The following ERBB4 variants were observed in gnomAD, a reference collection of about 807,000 sequenced individuals.
ERBB4 encodes receptor tyrosine-protein kinase erbB-4.
Under a neutral mutation model 158.0 loss-of-function variants are expected in ERBB4, and 42 were observed. The ratio of observed to expected loss-of-function variants is 0.27; its 90% CI spans 0.21 to 0.34. The LOEUF is 0.34. Ranked by LOEUF, ERBB4 falls within the 10% of genes least tolerant of loss-of-function variation. The pLI is 1.00. For synonymous variants in ERBB4, 583 were observed against 558.7 expected (o/e 1.04, Z -0.61); for missense variants, 1,333 against 1,624.1 (o/e 0.82, Z 3.08).
chr2:211,995,764 G>T (rs968345632), intron 2 of ERBB4, among the ~76,000 whole-genome samples: 1 of 152,042 alleles, frequency 6.6e-6, no homozygotes, highest in Admixed American at 6.6e-5. Context: ...GTTCCTTCAG[G>T]TCTCAGTTGT....
chr2:211,862,972 T>G (rs2078102528), intron 3 of ERBB4, among the ~76,000 whole-genome samples: 1 of 152,048 alleles, frequency 6.6e-6, no homozygotes, highest in Non-Finnish European at 1.5e-5. Flanking sequence ...CAATCAGCAC[T>G]CTGCGTCTAG....
intron 3 of ERBB4, among the ~76,000 whole-genome samples, chr2:211,857,262 T>TAA (rs10681062): frequency 6.6e-6 from 1 of 151,904 alleles, no homozygotes; most frequent in South Asian, 2.1e-4. Flanking sequence ...CTTTGCAAAA[T>TAA]AGTTGGCAGT....
chr2:211,913,757 G>A (rs1053936939), intron 3 of ERBB4, among the ~76,000 whole-genome samples: 6 of 150,656 alleles, frequency 4.0e-5, no homozygotes, highest in African/African-American at 1.5e-4. Flanking sequence ...CTTATTATTT[G>A]AAAAATGAAA....
intron 1 of ERBB4, among the ~76,000 whole-genome samples, chr2:212,406,822 G>C (rs2091358519): frequency 6.6e-6 from 1 of 151,952 alleles, no homozygotes; most frequent in Admixed American, 6.6e-5. Context: ...AAACCCCTTA[G>C]TACAAGATAC....
At chr2:211,454,056 C>T (rs985423867) in intron 20 of ERBB4, among the ~76,000 whole-genome samples, 1 of 152,044 alleles carries the variant, frequency 6.6e-6, no homozygotes, top group Non-Finnish European at 1.5e-5. Flanking sequence ...GCAAATAAAT[C>T]CCCAGATACG....
intron 20 of ERBB4, among the ~76,000 whole-genome samples, chr2:211,537,721 T>G (rs2066694001): frequency 1.1e-4 from 16 of 151,958 alleles, no homozygotes; most frequent in Admixed American, 9.8e-4. Flanking sequence ...GTTTTAAAAC[T>G]TATGCCTGTA....
rs544085367 is a variant in ERBB4 at position 211,814,566 on chromosome 2, T to C, written c.422-26407A>G. 2.6e-5 allele frequency among the ~76,000 whole-genome samples: 4 copies of C among 152,058 alleles called. No individual in the cohort carries two copies. In the South Asian group the frequency reaches 6.2e-4, roughly 24 times the overall value. On this transcript the variant is annotated intron_variant, in intron 3 of 27. Transcript: ENST00000342788. ...ACAACCAGGGCCCAAATTACAGTCT[T>C]ATTAAGGAACCTATTTAAACCAATA...
chr2:211,851,100 TAAC>T (rs1268343523), intron 3 of ERBB4, among the ~76,000 whole-genome samples: 1 of 151,890 alleles, frequency 6.6e-6, no homozygotes, highest in African/African-American at 2.4e-5. Context: ...GCAATAAAAC[TAAC>T]AACAGATAAA....
Position 211,480,630 on chromosome 2 carries a change from T to C in ERBB4, c.2488-49530A>G, listed in dbSNP as rs574806029. Among the ~76,000 whole-genome samples, 8 of 152,290 alleles carry C rather than the reference T, an allele frequency of 5.3e-5. No homozygotes were observed. The East Asian group carries it at 1.4e-3, about 26-fold the overall frequency. ...TTACCCAGGCTCAGGTAGTTCTTTA[T>C]AGTGGCATGAGAACAGACTAATACA... is the stretch of plus-strand genomic sequence containing the variant. On this transcript the variant is annotated intron_variant, in intron 20 of 27. Transcript: ENST00000342788.
chr2:211,496,745 C>T (rs1470747339), intron 20 of ERBB4, among the ~76,000 whole-genome samples: 1 of 152,070 alleles, frequency 6.6e-6, no homozygotes, highest in Non-Finnish European at 1.5e-5. Flanking sequence ...TTTGGTGAGC[C>T]TCCAATATGC....
At chr2:211,509,155 G>A (rs983031572) in intron 20 of ERBB4, among the ~76,000 whole-genome samples, 4 of 35,356 alleles carry the variant, frequency 1.1e-4, no homozygotes, top group Non-Finnish European at 2.2e-4. Context: ...GACACAGGGA[G>A]GGGGGAGTAT....
At chr2:211,674,348 C>G (rs2071970795) in intron 13 of ERBB4, among the ~76,000 whole-genome samples, 1 of 152,148 alleles carries the variant, frequency 6.6e-6, no homozygotes, top group African/African-American at 2.4e-5. Context: ...ACTTTTTTCT[C>G]ATTTGAATAC....
At chr2:212,006,968 A>G (rs1418869089) in intron 2 of ERBB4, among the ~76,000 whole-genome samples, 1 of 152,028 alleles carries the variant, frequency 6.6e-6, no homozygotes, top group East Asian at 1.9e-4. Flanking sequence ...ATTTTTCTTT[A>G]TTACCTAAAA....
chr2:211,450,252 G>A (rs2064211398), intron 20 of ERBB4, among the ~76,000 whole-genome samples: 1 of 152,154 alleles, frequency 6.6e-6, no homozygotes, highest in South Asian at 2.1e-4. Context: ...GGCTGGAGGA[G>A]TGTGCAAGGG....
intron 3 of ERBB4, among the ~76,000 whole-genome samples, chr2:211,804,246 T>C (rs1389656283): frequency 6.6e-6 from 1 of 152,200 alleles, no homozygotes; most frequent in Non-Finnish European, 1.5e-5. Context: ...GACTGGAAGG[T>C]TAAATTATAA....
chr2:211,394,537 T>C (rs2062870287), intron 25 of ERBB4, among the ~76,000 whole-genome samples: 1 of 152,184 alleles, frequency 6.6e-6, no homozygotes, highest in Non-Finnish European at 1.5e-5. Context: ...CAAAGACTTC[T>C]CAGTAATTCT....
chr2:211,830,912 C>T (rs963235276), intron 3 of ERBB4, among the ~76,000 whole-genome samples: 2 of 151,810 alleles, frequency 1.3e-5, no homozygotes, highest in African/African-American at 2.4e-5. Flanking sequence ...CCACATAAGG[C>T]ATGAGAATCT....
chr2:211,497,745 T>C (rs2065507339), intron 20 of ERBB4, among the ~76,000 whole-genome samples: 1 of 152,094 alleles, frequency 6.6e-6, no homozygotes, highest in South Asian at 2.1e-4. Flanking sequence ...TTATGAGACA[T>C]TATTTATTTC....
At position 211,681,392 on chromosome 2, in the gene ERBB4, T is replaced by A. The variant is rs1353155617; in HGVS notation, c.1490-2208A>T. Among the ~76,000 whole-genome samples the A allele has an allele frequency of 2.0e-5, 3 of 152,176 alleles. No homozygotes were observed. In the East Asian group the frequency reaches 5.8e-4, roughly 29 times the overall value. On this transcript the variant is annotated intron_variant, in intron 12 of 27. Transcript: ENST00000342788. ...GATAAATACCCAGGAGAGGAGTGGC[T>A]GGACAATATGGTAGGTATATGATTA... is the stretch of plus-strand genomic sequence containing the variant.
Sources: gnomAD v4.1 joint callset for allele counts (sites outside exome capture counted in the v4.1 genomes callset) on GRCh38, gnomAD v4.1.1 for gene constraint, MANE v1.5 for transcripts, NCBI Gene and HGNC (gene_info 2026-07-23, HGNC 2026-07-21) for gene names.